The following TOX variants were observed in gnomAD, a reference collection of about 807,000 sequenced individuals.
TOX encodes the protein thymocyte selection associated high mobility group box.
TOX carries 11 observed loss-of-function variants against 53.7 expected under a neutral mutation model. The observed-to-expected ratio is 0.20, with a 90% CI of 0.13 to 0.34. The LOEUF (loss-of-function observed/expected upper bound fraction) is 0.34. TOX is among the 10% of genes least tolerant of loss of function. The pLI is 1.00. For missense variants in TOX, 570 were observed against 664.6 expected, an observed-to-expected ratio of 0.86 and a Z score of 1.56; for synonymous variants, 225 against 245.3, an observed-to-expected ratio of 0.92 and a Z score of 0.77.
chr8:58,827,106 A>T (rs1171536756), intron 5 of TOX, among the ~76,000 whole-genome samples: 3 of 152,172 alleles, frequency 2.0e-5, no homozygotes, highest in Non-Finnish European at 4.4e-5. Flanking sequence ...AAAAAAAGTT[A>T]GCAACAGTAA....
At chr8:59,044,633 G>A (rs570223978) in intron 1 of TOX, among the ~76,000 whole-genome samples, 2 of 152,210 alleles carry the variant, frequency 1.3e-5, no homozygotes, top group Non-Finnish European at 2.9e-5. Flanking sequence ...TAACATACAT[G>A]ATTTTAAAAA....
intron 3 of TOX, among the ~76,000 whole-genome samples, chr8:58,881,488 G>A (rs1811381373): frequency 6.6e-6 from 1 of 152,054 alleles, no homozygotes; most frequent in Admixed American, 6.5e-5. Flanking sequence ...ACTTCGTGAG[G>A]CTGAGGTGGG....
intron 5 of TOX, among the ~76,000 whole-genome samples, chr8:58,829,353 G>A (rs1007292185): frequency 5.3e-5 from 8 of 152,172 alleles, no homozygotes; most frequent in African/African-American, 1.4e-4. Flanking sequence ...AGCATGCAGA[G>A]TCCCCTGTTT....
At chr8:58,896,552 A>T (rs912863839) in intron 3 of TOX, among the ~76,000 whole-genome samples, 2 of 152,066 alleles carry the variant, frequency 1.3e-5, no homozygotes, top group African/African-American at 4.8e-5. Context: ...GCATGTGCCT[A>T]TAATCCCAGC....
chr8:58,964,212 T>G (rs973605197), intron 1 of TOX, among the ~76,000 whole-genome samples: 1 of 152,228 alleles, frequency 6.6e-6, no homozygotes, highest in Non-Finnish European at 1.5e-5. Context: ...ATAAAACATA[T>G]AGACTGGTCA....
chr8:58,904,090 T>G (rs529427791), intron 3 of TOX, among the ~76,000 whole-genome samples: 151 of 152,314 alleles, frequency 9.9e-4, no homozygotes, highest in African/African-American at 3.5e-3. Context: ...TTAAAAAGAT[T>G]CATGGTATAT....
rs757128157 is a variant in TOX, at chr8:58,815,624, A to C, written c.1106T>G (p.Leu369Arg). ...FHGPSQAHSALYLSSHYHQQP... is the reference protein window; with the variant it reads ...FHGPSQAHSARYLSSHYHQQP... Reference sequence around the variant, plus strand: ...TTGGTGATAGTGGGAACTTAGGTACAGGGCCGAGTGGGCCTGGCTGGGCCC... The same window carrying C: ...TTGGTGATAGTGGGAACTTAGGTACCGGGCCGAGTGGGCCTGGCTGGGCCC... The change falls in exon 7 of 9, where the codon CTG becomes CGG. Residue 369 changes from leucine (L) to arginine (R), a missense_variant. Around this residue, in one of 3 missense-constraint regions of TOX, gnomAD observed 239 missense variants for 250.7 expected, o/e 0.95. Transcript: ENST00000361421. 6.2e-7 allele frequency: 1 copy of C among 1,614,164 alleles called. No homozygotes were observed. Among genetic ancestry groups the C allele is most frequent in the Non-Finnish European group, 8.5e-7 (1 of 1,180,010 alleles).
intron 1 of TOX, among the ~76,000 whole-genome samples, chr8:58,998,493 G>GCA (rs1813604897): frequency 1.3e-4 from 8 of 63,618 alleles, no homozygotes; most frequent in South Asian, 5.2e-4. Context: ...CATCTCAAAA[G>GCA]TATATATATA....
chr8:58,933,603 CA>C (rs1415216673), intron 3 of TOX, among the ~76,000 whole-genome samples: 1 of 151,816 alleles, frequency 6.6e-6, no homozygotes, highest in African/African-American at 2.4e-5. Context: ...CTGAGACAGC[CA>C]AAGCCATGGC....
chr8:58,920,466 C>A (rs2129174632), intron 3 of TOX, among the ~76,000 whole-genome samples: 1 of 61,182 alleles, frequency 1.6e-5, no homozygotes, highest in Admixed American at 2.0e-4. Context: ...AACAAAAAAC[C>A]AAACACCGCA....
chr8:59,099,181 A>G (rs995422864), intron 1 of TOX, among the ~76,000 whole-genome samples: 1 of 152,214 alleles, frequency 6.6e-6, no homozygotes, highest in African/African-American at 2.4e-5. Flanking sequence ...TAACAAGCCA[A>G]TGGATTTCTC....
chr8:58,825,524 A>C (rs1485598211), intron 6 of TOX, among the ~76,000 whole-genome samples: 1 of 152,232 alleles, frequency 6.6e-6, no homozygotes, highest in African/African-American at 2.4e-5. Context: ...TCTGCATATC[A>C]TTAACTAGTG....
intron 1 of TOX, among the ~76,000 whole-genome samples, chr8:59,036,232 G>A (rs539615221): frequency 7.9e-5 from 12 of 152,288 alleles, no homozygotes; most frequent in African/African-American, 1.7e-4. Flanking sequence ...TGAAAAGGAC[G>A]GGTGTGGGAC....
intron 1 of TOX, among the ~76,000 whole-genome samples, chr8:59,037,884 G>GA (rs1208721026): frequency 6.6e-6 from 1 of 151,224 alleles, no homozygotes; most frequent in Admixed American, 6.6e-5. Flanking sequence ...TTAAGATCCT[G>GA]AAAAAACATC....
intron 1 of TOX, among the ~76,000 whole-genome samples, chr8:59,040,523 T>C (rs1273252361): frequency 2.6e-5 from 4 of 152,156 alleles, no homozygotes; most frequent in Non-Finnish European, 5.9e-5. Context: ...TAATATTCTG[T>C]GCTAAAGGCA....
At chr8:58,843,763 T>C (rs1810681036) in intron 4 of TOX, among the ~76,000 whole-genome samples, 1 of 152,210 alleles carries the variant, frequency 6.6e-6, no homozygotes, top group African/African-American at 2.4e-5. Flanking sequence ...GATGCAGAAA[T>C]GAGCTGCCAT....
chr8:58,848,752 A>T lies in TOX; in HGVS notation c.693+2772T>A, dbSNP rs1383241987. 3.9e-5 allele frequency among the ~76,000 whole-genome samples: 6 copies of T among 152,204 alleles called. No individual in the cohort carries two copies. The East Asian group carries it at 1.2e-3, about 29-fold the overall frequency. On this transcript the variant is annotated intron_variant, in intron 4 of 8. Coordinates refer to ENST00000361421, the MANE Select transcript of TOX (RefSeq NM_014729.3). The stretch of plus-strand genomic sequence containing the variant: ...TTTCCTAGCAATCAAAATCGCGGGT[A>T]GTGTTTATAAGGTGATAATTTATTT...
chr8:59,028,245 T>C (rs1175333673), intron 1 of TOX, among the ~76,000 whole-genome samples: 1 of 152,116 alleles, frequency 6.6e-6, no homozygotes, highest in Middle Eastern at 3.2e-3. Context: ...CGAACTTTTT[T>C]TTTTCCTTCG....
chr8:59,098,062 TAA>T (rs1334550698), intron 1 of TOX, among the ~76,000 whole-genome samples: 1 of 147,702 alleles, frequency 6.8e-6, no homozygotes, highest in African/African-American at 2.5e-5. Flanking sequence ...CAACTCATGT[TAA>T]AAAAAAAAAT....
Sources: gnomAD v4.1 joint callset for allele counts (sites outside exome capture counted in the v4.1 genomes callset) on GRCh38, gnomAD v4.1.1 for gene constraint, gnomAD v4.1.1 regional missense constraint, MANE v1.5 for transcripts, NCBI Gene and HGNC (gene_info 2026-07-23, HGNC 2026-07-21) for gene names.